TSPO: variants seen among roughly 807,000 people sequenced by gnomAD.
TSPO encodes translocator protein, also known as benzodiazepine peripheral binding site.
In TSPO, 14 loss-of-function variants were observed where a neutral mutation model predicts 13.9. The ratio of observed to expected loss-of-function variants is 1.01; its 90% CI spans 0.67 to 1.58. The LOEUF is 1.58. Ranked by LOEUF, TSPO falls within the 40% of genes most tolerant of loss-of-function variation. TSPO has a pLI of 0.00. For synonymous variants in TSPO, 114 were observed against 105.9 expected, an observed-to-expected ratio of 1.08 and a Z score of -0.47; for missense variants, 232 against 229.6, an observed-to-expected ratio of 1.01 and a Z score of -0.07.
intron 1 of TSPO, among the ~76,000 whole-genome samples, chr22:43,156,186 C>T (rs572223021): frequency 4.3e-4 from 65 of 152,204 alleles, no homozygotes; most frequent in African/African-American, 1.5e-3. Flanking sequence ...GGCTTCAGAC[C>T]CTGCTCTCTT....
intron 1 of TSPO, among the ~76,000 whole-genome samples, chr22:43,152,665 C>T (rs1281376754): frequency 3.3e-5 from 5 of 152,268 alleles, no homozygotes; most frequent in African/African-American, 1.2e-4. Context: ...CTCCACCTGG[C>T]TGCTGGCAGC....
intron 3 of TSPO, 92 bp from the exon 4 acceptor site, chr22:43,162,711 C>G: frequency 7.4e-7 from 1 of 1,346,398 alleles, no homozygotes; most frequent in Non-Finnish European, 1.0e-6. Flanking sequence ...GCTCCTGACT[C>G]CCAAATCCAG....
At chr22:43,157,219 T>C (rs929713222) in intron 1 of TSPO, among the ~76,000 whole-genome samples, 11 of 142,010 alleles carry the variant, frequency 7.7e-5, no homozygotes, top group Non-Finnish European at 1.6e-4. Flanking sequence ...ATATGTGTAG[T>C]GACATCAGAC....
At chr22:43,156,389 T>G (rs1338197856) in intron 1 of TSPO, among the ~76,000 whole-genome samples, 2 of 152,316 alleles carry the variant, frequency 1.3e-5, no homozygotes, top group Non-Finnish European at 1.5e-5. Context: ...TGGGGAGTTC[T>G]GCCACGTGCT....
intron 1 of TSPO, among the ~76,000 whole-genome samples, chr22:43,154,256 C>A (rs989424036): frequency 6.6e-6 from 1 of 152,032 alleles, no homozygotes; most frequent in African/African-American, 2.4e-5. Flanking sequence ...AGAGACAAGG[C>A]TCAGGGGAGT....
At chr22:43,161,311 T>G in intron 3 of TSPO, 121 bp downstream of exon 3, 21 of 1,391,690 alleles carry the variant, frequency 1.5e-5, no homozygotes, top group Non-Finnish European at 1.8e-5. Flanking sequence ...AAAGGCCATG[T>G]CTCTCTAGCT....
chr22:43,160,572 G>A (rs1359559132), intron 2 of TSPO, among the ~76,000 whole-genome samples: 1 of 152,124 alleles, frequency 6.6e-6, no homozygotes, highest in Non-Finnish European at 1.5e-5. Flanking sequence ...TGTGTTAACA[G>A]CTCCCATGAT....
At chr22:43,161,266 T>C (rs1370004624) in intron 3 of TSPO, 76 bp downstream of exon 3, 5 of 1,544,748 alleles carry the variant, frequency 3.2e-6, no homozygotes, top group African/African-American at 1.4e-5. Flanking sequence ...CATATGACAC[T>C]GGGTCAGTGT....
At position 43,163,085 on chromosome 22, in the gene TSPO, T is replaced by C. The variant is rs761830374; in HGVS notation, c.*94T>C. ...ACGCTTTCATGACCACTGGGCCTGC[T>C]AGTCTGTCAGGGCCTTGGCCCAGGG... On this transcript the variant is annotated 3_prime_UTR_variant, in exon 4 of 4. Transcript: ENST00000337554. 2 of 1,537,098 alleles carry C rather than the reference T, an allele frequency of 1.3e-6. No homozygotes were observed. The highest frequency in any genetic ancestry group is 1.2e-5 in the South Asian group (1 of 80,656).
chr22:43,152,527 G>A (rs1032368735), intron 1 of TSPO, among the ~76,000 whole-genome samples: 2 of 152,278 alleles, frequency 1.3e-5, no homozygotes, highest in African/African-American at 4.8e-5. Flanking sequence ...GAGGCCCGGC[G>A]TCTCTGTGGA....
chr22:43,159,110 T>C, intron 1 of TSPO, 100 bp from the exon 2 acceptor site: 1 of 943,070 alleles, frequency 1.1e-6, no homozygotes, highest in Admixed American at 3.5e-5. Context: ...GCTGACTGGT[T>C]GATCTGTGGG....
rs1569480433 is a variant in TSPO at position 43,161,064 on chromosome 22, C to T, written c.195C>T (p.Tyr65=). 6.2e-7 allele frequency: 1 copy of T among 1,613,686 alleles called. No individual in the cohort carries two copies. Among genetic ancestry groups the T allele is most frequent in the Non-Finnish European group, 8.5e-7 (1 of 1,179,782 alleles). Residue 65 remains tyrosine, a synonymous_variant, in exon 3 of 4, where the codon TAC becomes TAT. Transcript: ENST00000337554. ...TLYSAMGYGS[Y]LVWKELGGFT... is the part of the protein sequence containing the mutation. ...GCCTCTGTTTCAGGTACGGCTCCTA[C>T]CTGGTCTGGAAAGAGCTGGGAGGCT... is the stretch of plus-strand genomic sequence containing the variant.
chr22:43,159,754 G>A (rs1256440836), intron 2 of TSPO: 3 of 268,244 alleles, frequency 1.1e-5, no homozygotes, highest in Non-Finnish European at 2.1e-5. Context: ...AGCCCCAAGA[G>A]CAGCTCCTTT....
chr22:43,163,032 C>A lies in TSPO; in HGVS notation c.*41C>A, dbSNP rs1334132875. 2 of 1,573,002 alleles carry A rather than the reference C, an allele frequency of 1.3e-6. No individual in the cohort carries two copies. Among genetic ancestry groups the A allele is most frequent in the Non-Finnish European group, 1.7e-6 (2 of 1,159,610 alleles). On this transcript the variant is annotated 3_prime_UTR_variant, in exon 4 of 4. Coordinates refer to ENST00000337554, the MANE Select transcript of TSPO (RefSeq NM_000714.6). Reference sequence around the variant, plus strand: ...GGGACTGCAGCTGCACCAGCAGGTGCCATCACGCTTGTGATGTGGTGGCCG... The same window carrying A: ...GGGACTGCAGCTGCACCAGCAGGTGACATCACGCTTGTGATGTGGTGGCCG...
intron 1 of TSPO, among the ~76,000 whole-genome samples, chr22:43,158,616 G>A (rs1470667815): frequency 6.6e-6 from 1 of 152,174 alleles, no homozygotes; most frequent in African/African-American, 2.4e-5. Context: ...GGCCCGTGTG[G>A]GGTGCTGAAA....
chr22:43,158,045 G>A (rs1931310354), intron 1 of TSPO, among the ~76,000 whole-genome samples: 2 of 152,048 alleles, frequency 1.3e-5, no homozygotes, highest in South Asian at 4.1e-4. Flanking sequence ...CAGCTCCATG[G>A]ATCCCAGGCC....
In TSPO at chr22:43,162,846, C is replaced by T; in HGVS notation, c.365C>T (p.Thr122Ile). Residue 122 changes from threonine to isoleucine, a missense_variant, in exon 4 of 4, where the codon ACT becomes ATT. Transcript: ENST00000337554. Reference protein sequence around the residue: ...LLLVSGAAAATTVAWYQVSPL... With the variant: ...LLLVSGAAAAITVAWYQVSPL... ...CTGGTCAGTGGGGCGGCGGCAGCCA[C>T]TACCGTGGCCTGGTACCAGGTGAGC... 1.3e-6 allele frequency: 2 copies of T among 1,585,196 alleles called. No homozygotes were observed. Among genetic ancestry groups the T allele is most frequent in the Non-Finnish European group, 1.7e-6 (2 of 1,166,970 alleles).
chr22:43,160,101 G>A (rs995850470), intron 2 of TSPO, among the ~76,000 whole-genome samples: 5 of 152,184 alleles, frequency 3.3e-5, no homozygotes, highest in African/African-American at 1.2e-4. Flanking sequence ...GATAGCAGAG[G>A]CCAGGCCAGG....
rs542134891 is a variant in TSPO, at chr22:43,163,197, G to A, written c.*206G>A. On this transcript the variant is annotated 3_prime_UTR_variant, in exon 4 of 4. Coordinates refer to ENST00000337554, the MANE Select transcript of TSPO (RefSeq NM_000714.6). ...TTCTGCATGCTTAGAGCATGTTCTT[G>A]GAACATGGAATTTTATAAGCTGAAT... 4.0e-5 allele frequency: 55 copies of A among 1,389,898 alleles called. No homozygotes were observed. In the African/African-American group the frequency reaches 6.7e-4, roughly 17 times the overall value. 86.1% of individuals were successfully genotyped at this position (1,389,898 alleles called of 1,614,324 possible). A position where few individuals can be genotyped will look rare whatever the true frequency, so the allele number is the denominator to read the frequency against.
Sources: gnomAD v4.1 joint callset for allele counts (sites outside exome capture counted in the v4.1 genomes callset) on GRCh38, gnomAD v4.1.1 for gene constraint, MANE v1.5 for transcripts, NCBI Gene and HGNC (gene_info 2026-07-23, HGNC 2026-07-21) for gene names.